The following SNX29 variants were observed in gnomAD, a reference collection of about 807,000 sequenced individuals.
SNX29 encodes sorting nexin 29.
A neutral mutation model predicts 102.1 loss-of-function variants in SNX29; 78 were observed. That is an observed-to-expected ratio of 0.76 (90% CI 0.64 to 0.92). The LOEUF (loss-of-function observed/expected upper bound fraction) is 0.92, where lower values mean the gene tolerates loss of function less well. SNX29 is among the 40% of genes least tolerant of loss of function. SNX29 has a pLI of 0.00. For synonymous variants in SNX29, 580 were observed against 414.5 expected (o/e 1.40, Z -4.85); for missense variants, 1,280 against 1,061.7 (o/e 1.21, Z -2.86).
intron 19 of SNX29, among the ~76,000 whole-genome samples, chr16:12,493,424 G>T (rs1206304300): frequency 6.6e-6 from 1 of 152,214 alleles, no homozygotes; most frequent in Non-Finnish European, 1.5e-5. Context: ...ATCAGCTTAA[G>T]GAGATTTTGG....
intron 13 of SNX29, among the ~76,000 whole-genome samples, chr16:12,136,768 C>G (rs570836431): frequency 1.8e-4 from 28 of 152,194 alleles, no homozygotes; most frequent in Middle Eastern, 3.4e-3. Context: ...GAGACAGAGT[C>G]TCGCTCTGTC....
At chr16:12,015,132 T>C (rs2056803987) in intron 3 of SNX29, among the ~76,000 whole-genome samples, 1 of 152,174 alleles carries the variant, frequency 6.6e-6, no homozygotes, top group Non-Finnish European at 1.5e-5. Context: ...TACACATATA[T>C]GTAGCCTTAT....
chr16:12,392,692 T>C (rs946785693), intron 16 of SNX29, among the ~76,000 whole-genome samples: 1 of 152,266 alleles, frequency 6.6e-6, no homozygotes, highest in East Asian at 1.9e-4. Flanking sequence ...TTAAAGCTCT[T>C]ATTTGCCAAG....
At chr16:12,532,452 A>C (rs1270832852) in intron 20 of SNX29, among the ~76,000 whole-genome samples, 1 of 152,146 alleles carries the variant, frequency 6.6e-6, no homozygotes, top group African/African-American at 2.4e-5. Flanking sequence ...TAAGCTCAAT[A>C]TTATTAAGCA....
intron 20 of SNX29, among the ~76,000 whole-genome samples, chr16:12,536,412 C>T (rs537060571): frequency 6.6e-6 from 1 of 151,948 alleles, no homozygotes; most frequent in African/African-American, 2.4e-5. Context: ...AGAATGGCCT[C>T]ATCAGTAAGG....
chr16:12,124,348 TC>T (rs2054112128), intron 11 of SNX29, among the ~76,000 whole-genome samples: 1 of 126,070 alleles, frequency 7.9e-6, no homozygotes, highest in Non-Finnish European at 1.6e-5. Flanking sequence ...AGAGTGGGAC[TC>T]CGTCTCAAAA....
At chr16:11,986,308 C>T (rs965375148) in intron 1 of SNX29, among the ~76,000 whole-genome samples, 8 of 150,446 alleles carry the variant, frequency 5.3e-5, no homozygotes, top group Non-Finnish European at 7.4e-5. Flanking sequence ...GAAACTTGCC[C>T]ACTCCATCTC....
chr16:12,379,768 C>A (rs1661993297), intron 16 of SNX29, among the ~76,000 whole-genome samples: 1 of 152,120 alleles, frequency 6.6e-6, no homozygotes, highest in Non-Finnish European at 1.5e-5. Context: ...CTGTGAGCAA[C>A]AGGTCAGGGC....
intron 18 of SNX29, among the ~76,000 whole-genome samples, chr16:12,414,371 C>G (rs1301585240): frequency 6.6e-6 from 1 of 152,146 alleles, no homozygotes; most frequent in African/African-American, 2.4e-5. Flanking sequence ...GACCTCAACT[C>G]TAAAAGTACA....
chr16:12,110,129 G>C (rs996130788), intron 11 of SNX29, among the ~76,000 whole-genome samples: 1 of 152,308 alleles, frequency 6.6e-6, no homozygotes, highest in East Asian at 1.9e-4. Flanking sequence ...ACTGGATGCT[G>C]AGCTTGCGGG....
At chr16:12,209,120 T>C (rs562301537) in intron 14 of SNX29, among the ~76,000 whole-genome samples, 13 of 152,318 alleles carry the variant, frequency 8.5e-5, no homozygotes, top group Non-Finnish European at 1.6e-4. Context: ...TAGATAAATT[T>C]AGTTGTTTAC....
At chr16:12,478,668 AGGCG>A (rs1230407766) in intron 19 of SNX29, among the ~76,000 whole-genome samples, 2 of 152,194 alleles carry the variant, frequency 1.3e-5, no homozygotes, top group Non-Finnish European at 2.9e-5. Context: ...AGCTTCAGCC[AGGCG>A]GCATCATGAT....
chr16:12,227,899 TAAAAAAAAAAAAA>T (rs59381762), intron 14 of SNX29, among the ~76,000 whole-genome samples: 4 of 71,570 alleles, frequency 5.6e-5, no homozygotes, highest in Non-Finnish European at 9.4e-5. Flanking sequence ...GACTCTGTCT[TAAAAAAAAAAAAA>T]AAAAAAAAAA....
chr16:12,244,550 C>T (rs556442863), intron 14 of SNX29, among the ~76,000 whole-genome samples: 6 of 151,958 alleles, frequency 3.9e-5, no homozygotes, highest in African/African-American at 1.4e-4. Context: ...GCAGCGGTTG[C>T]AGTGAGCCGA....
At chr16:12,553,040 C>T (rs994433512) in intron 20 of SNX29, among the ~76,000 whole-genome samples, 2 of 152,334 alleles carry the variant, frequency 1.3e-5, no homozygotes, top group African/African-American at 2.4e-5. Flanking sequence ...AGGCTGGGGA[C>T]ACTAATTGGA....
At chr16:12,391,815 T>A (rs976712856) in intron 16 of SNX29, among the ~76,000 whole-genome samples, 3 of 152,244 alleles carry the variant, frequency 2.0e-5, no homozygotes, top group Admixed American at 6.5e-5. Flanking sequence ...CCTGAGGTAT[T>A]CACTGTTCTG....
At chr16:12,008,632 C>T (rs966403550) in intron 3 of SNX29, among the ~76,000 whole-genome samples, 4 of 151,932 alleles carry the variant, frequency 2.6e-5, no homozygotes, top group Admixed American at 6.6e-5. Context: ...ATATGTTTTT[C>T]GTATGCCTCT....
chr16:12,165,675 C>T (rs1201646782), intron 13 of SNX29, among the ~76,000 whole-genome samples: 2 of 152,236 alleles, frequency 1.3e-5, no homozygotes, highest in Non-Finnish European at 2.9e-5. Flanking sequence ...GTTCTTCTGC[C>T]TCAGCCTCCC....
At chr16:12,300,573 C>G (rs547599672) in intron 15 of SNX29, among the ~76,000 whole-genome samples, 1 of 152,114 alleles carries the variant, frequency 6.6e-6, no homozygotes, top group Admixed American at 6.5e-5. Flanking sequence ...CTGCTTTTCC[C>G]CAGCAGAGCA....
Sources: allele counts gnomAD v4.1 joint callset (sites outside exome capture counted in the v4.1 genomes callset), GRCh38; gene constraint gnomAD v4.1.1; transcripts MANE v1.5; gene names NCBI Gene and HGNC (gene_info 2026-07-23, HGNC 2026-07-21).